Variants in PHACTR1 observed in about 807,000 individuals in gnomAD.
PHACTR1 encodes the protein RPEL repeat containing 1.
In PHACTR1, 16 loss-of-function variants were observed where a neutral mutation model predicts 69.2. The ratio of observed to expected loss-of-function variants is 0.23; its 90% CI spans 0.16 to 0.35. PHACTR1 has a LOEUF of 0.35. PHACTR1 is among the 10% of genes least tolerant of loss of function. The pLI is 1.00. For missense variants in PHACTR1, 510 were observed against 734.7 expected (o/e 0.69, Z 3.54); for synonymous variants, 312 against 284.5 (o/e 1.10, Z -0.97).
At chr6:13,260,197 A>G (rs752337493) in intron 10 of PHACTR1, among the ~76,000 whole-genome samples, 3 of 152,212 alleles carry the variant, frequency 2.0e-5, no homozygotes, top group Non-Finnish European at 4.4e-5. Flanking sequence ...CCAACTGAGA[A>G]GATCTTCATG....
intron 12 of PHACTR1, among the ~76,000 whole-genome samples, chr6:13,282,746 T>G (rs1449108106): frequency 7.3e-6 from 1 of 137,488 alleles, no homozygotes; most frequent in Non-Finnish European, 1.5e-5. Flanking sequence ...CAGATGTGGA[T>G]TCACAAATCC....
intron 10 of PHACTR1, among the ~76,000 whole-genome samples, chr6:13,234,000 T>G (rs1416168794): frequency 1.3e-5 from 2 of 152,218 alleles, no homozygotes; most frequent in Non-Finnish European, 2.9e-5. Context: ...TGTACAGAGA[T>G]CAGCACATCA....
chr6:13,238,993 C>T (rs953866081), intron 10 of PHACTR1, among the ~76,000 whole-genome samples: 2 of 152,154 alleles, frequency 1.3e-5, no homozygotes, highest in Non-Finnish European at 2.9e-5. Flanking sequence ...AGGTTGTGCG[C>T]CATTATCATC....
chr6:13,001,783 T>C (rs2127624763), intron 4 of PHACTR1, among the ~76,000 whole-genome samples: 1 of 152,334 alleles, frequency 6.6e-6, no homozygotes, highest in South Asian at 2.1e-4. Flanking sequence ...TTCCTAATCC[T>C]CCTGATCATG....
intron 5 of PHACTR1, among the ~76,000 whole-genome samples, chr6:13,146,880 G>A (rs1478820641): frequency 2.0e-5 from 3 of 152,134 alleles, no homozygotes; most frequent in African/African-American, 4.8e-5. Context: ...GAACAGGGTG[G>A]AAATGTGAAT....
At chr6:13,156,653 C>T (rs1758217735) in intron 5 of PHACTR1, among the ~76,000 whole-genome samples, 1 of 152,210 alleles carries the variant, frequency 6.6e-6, no homozygotes, top group South Asian at 2.1e-4. Flanking sequence ...CTGCATTTCC[C>T]TAGCACATGC....
intron 4 of PHACTR1, among the ~76,000 whole-genome samples, chr6:13,052,729 C>G (rs1049977297): frequency 6.6e-6 from 1 of 151,716 alleles, no homozygotes; most frequent in African/African-American, 2.4e-5. Context: ...TTTTTTTAAG[C>G]AAGACTCCAG....
intron 5 of PHACTR1, among the ~76,000 whole-genome samples, chr6:13,086,372 C>A (rs1253108517): frequency 1.3e-5 from 2 of 152,042 alleles, no homozygotes; most frequent in South Asian, 2.1e-4. Context: ...GCAAAATTAA[C>A]CCGTTTTCAT....
chr6:13,028,978 G>A (rs180948151), intron 4 of PHACTR1, among the ~76,000 whole-genome samples: 15 of 152,196 alleles, frequency 9.9e-5, no homozygotes, highest in Non-Finnish European at 2.1e-4. Context: ...AAGGAAGGAA[G>A]AGTAGGTGTA....
intron 2 of PHACTR1, 117 bp from the exon 3 acceptor site, chr6:12,718,582 A>G (rs962378362): frequency 3.7e-5 from 14 of 374,988 alleles, no homozygotes; most frequent in African/African-American, 2.9e-4. Flanking sequence ...GCAAATGTCA[A>G]TCAAGTAGTA....
chr6:13,147,311 G>A (rs1561899689), intron 5 of PHACTR1, among the ~76,000 whole-genome samples: 3 of 152,216 alleles, frequency 2.0e-5, no homozygotes, highest in Non-Finnish European at 4.4e-5. Context: ...GAATCTGTAA[G>A]TTGTAACATA....
At chr6:12,780,640 C>G (rs963879674) in intron 4 of PHACTR1, among the ~76,000 whole-genome samples, 1 of 152,140 alleles carries the variant, frequency 6.6e-6, no homozygotes, top group African/African-American at 2.4e-5. Flanking sequence ...CAACTCTGAG[C>G]GTAAACAGCG....
chr6:13,260,562 G>T (rs923316414), intron 10 of PHACTR1, among the ~76,000 whole-genome samples: 2 of 152,176 alleles, frequency 1.3e-5, no homozygotes, highest in African/African-American at 4.8e-5. Context: ...GGCAGTTAAA[G>T]TATTCTCTTT....
chr6:13,249,011 C>G (rs1773976258), intron 10 of PHACTR1, among the ~76,000 whole-genome samples: 2 of 152,218 alleles, frequency 1.3e-5, no homozygotes, highest in African/African-American at 4.8e-5. Context: ...CTTCCGTCCT[C>G]CCTTGCCAGC....
chr6:12,797,008 AGTGTGTGT>A (rs10577949), intron 4 of PHACTR1, among the ~76,000 whole-genome samples: 1 of 138,254 alleles, frequency 7.2e-6, no homozygotes, highest in South Asian at 2.5e-4. Context: ...GAAGCCTAGG[AGTGTGTGT>A]GTGTGTGTGT....
chr6:12,789,651 C>T (rs1362142672), intron 4 of PHACTR1, among the ~76,000 whole-genome samples: 1 of 152,118 alleles, frequency 6.6e-6, no homozygotes, highest in East Asian at 1.9e-4. Context: ...ATTTGCCCCA[C>T]CCTCAGGTTT....
intron 14 of PHACTR1, 49 bp downstream of exon 14, chr6:13,286,271 AT>A: frequency 1.4e-6 from 2 of 1,437,394 alleles, no homozygotes; most frequent in Non-Finnish European, 1.9e-6. Context: ...AAGTTGCAAT[AT>A]TTATCTCCAA....
chr6:13,060,845 G>C (rs1376049514), intron 5 of PHACTR1, among the ~76,000 whole-genome samples: 1 of 152,200 alleles, frequency 6.6e-6, no homozygotes, highest in Non-Finnish European at 1.5e-5. Context: ...TCCAGAACTG[G>C]AGTTTTGCCA....
chr6:13,198,319 C>G (rs1168702332), intron 7 of PHACTR1, among the ~76,000 whole-genome samples: 1 of 152,104 alleles, frequency 6.6e-6, no homozygotes, highest in African/African-American at 2.4e-5. Context: ...AAGCACGAGG[C>G]CTTGGGGGTC....
Sources: gnomAD v4.1 joint callset for allele counts (sites outside exome capture counted in the v4.1 genomes callset) on GRCh38, gnomAD v4.1.1 for gene constraint, MANE v1.5 for transcripts, NCBI Gene and HGNC (gene_info 2026-07-23, HGNC 2026-07-21) for gene names.